The following NRG3 variants were observed in gnomAD, a reference collection of about 807,000 sequenced individuals.
The protein encoded by NRG3 is neuregulin 3, also known as pro-neuregulin-3, membrane-bound isoform.
In NRG3, 31 loss-of-function variants were observed where a neutral mutation model predicts 66.9. The observed-to-expected ratio is 0.46, with a 90% CI of 0.35 to 0.63. The LOEUF (loss-of-function observed/expected upper bound fraction) is 0.63. Among genes scored for constraint, NRG3 ranks in the 20% least tolerant of loss-of-function variants. The pLI is 0.00. For missense variants in NRG3, 910 were observed against 878.9 expected (o/e 1.04, Z -0.45); for synonymous variants, 393 against 359.4 (o/e 1.09, Z -1.06).
chr10:82,909,380 A>G (rs1845095811), intron 4 of NRG3, among the ~76,000 whole-genome samples: 1 of 152,212 alleles, frequency 6.6e-6, no homozygotes, highest in African/African-American at 2.4e-5. Flanking sequence ...AAAATGCTCC[A>G]AAATCTAAGA....
chr10:82,973,102 T>C (rs956030329), intron 6 of NRG3, among the ~76,000 whole-genome samples: 2 of 152,222 alleles, frequency 1.3e-5, no homozygotes, highest in East Asian at 1.9e-4. Flanking sequence ...AGTGTTAAAG[T>C]TGACAACTTA....
chr10:82,138,783 G>C (rs1306512413), intron 1 of NRG3, among the ~76,000 whole-genome samples: 1 of 152,116 alleles, frequency 6.6e-6, no homozygotes, highest in Non-Finnish European at 1.5e-5. Context: ...GAAGGACTTG[G>C]AGTCTAATGT....
intron 1 of NRG3, among the ~76,000 whole-genome samples, chr10:82,332,923 G>A (rs1213230845): frequency 6.6e-6 from 1 of 152,052 alleles, no homozygotes; most frequent in Non-Finnish European, 1.5e-5. Context: ...ATTTATATTT[G>A]GTGCAATATC....
intron 2 of NRG3, among the ~76,000 whole-genome samples, chr10:82,697,818 G>A (rs1404182071): frequency 1.3e-5 from 2 of 152,092 alleles, no homozygotes; most frequent in African/African-American, 4.8e-5. Flanking sequence ...ATTTCAGAAA[G>A]TCATTAGGAA....
intron 3 of NRG3, among the ~76,000 whole-genome samples, chr10:82,809,685 G>C (rs1348714186): frequency 6.6e-6 from 1 of 152,150 alleles, no homozygotes; most frequent in African/African-American, 2.4e-5. Flanking sequence ...GTTCATTTGT[G>C]TTTCAACCTC....
intron 1 of NRG3, among the ~76,000 whole-genome samples, chr10:82,343,130 A>T (rs903647897): frequency 6.6e-6 from 1 of 152,098 alleles, no homozygotes; most frequent in Admixed American, 6.6e-5. Context: ...TAACCAAAAC[A>T]GTATGGTACT....
At chr10:82,290,124 C>T (rs2079641940) in intron 1 of NRG3, among the ~76,000 whole-genome samples, 1 of 152,166 alleles carries the variant, frequency 6.6e-6, no homozygotes, top group African/African-American at 2.4e-5. Context: ...TCCTGCTGCA[C>T]CGTCATCCTT....
chr10:82,462,172 T>C (rs920854384), intron 2 of NRG3, among the ~76,000 whole-genome samples: 3 of 151,976 alleles, frequency 2.0e-5, no homozygotes, highest in Non-Finnish European at 4.4e-5. Context: ...TATCTATCTA[T>C]CTTCATATTA....
intron 1 of NRG3, among the ~76,000 whole-genome samples, chr10:82,035,736 G>C (rs2062765830): frequency 1.3e-5 from 2 of 152,026 alleles, no homozygotes; most frequent in Admixed American, 6.6e-5. Context: ...GAAAGTGTTA[G>C]GTGCAATTAT....
At chr10:82,442,110 G>A (rs1197935641) in intron 2 of NRG3, among the ~76,000 whole-genome samples, 15 of 152,222 alleles carry the variant, frequency 9.9e-5, no homozygotes, top group South Asian at 2.1e-4. Flanking sequence ...CACTGACCTG[G>A]TCCCTTGCCT....
At chr10:81,922,380 T>G (rs1846336890) in intron 1 of NRG3, among the ~76,000 whole-genome samples, 1 of 152,204 alleles carries the variant, frequency 6.6e-6, no homozygotes, top group East Asian at 1.9e-4. Context: ...TTGTACCACT[T>G]AAGTAATTTC....
intron 1 of NRG3, among the ~76,000 whole-genome samples, chr10:82,207,548 T>C (rs961131207): frequency 6.6e-6 from 1 of 152,194 alleles, no homozygotes. Context: ...TGCTGTTACA[T>C]TTTGTAAAAA....
At chr10:81,916,513 A>T (rs1024277943) in intron 1 of NRG3, among the ~76,000 whole-genome samples, 8 of 152,188 alleles carry the variant, frequency 5.3e-5, no homozygotes, top group African/African-American at 2.4e-5. Context: ...GACATAAAAG[A>T]CATTGGCATT....
chr10:82,746,276 G>A (rs1376919060), intron 3 of NRG3, among the ~76,000 whole-genome samples: 1 of 152,154 alleles, frequency 6.6e-6, no homozygotes, highest in Non-Finnish European at 1.5e-5. Context: ...CTCAGCTAGA[G>A]TGTTTGGGTC....
intron 1 of NRG3, among the ~76,000 whole-genome samples, chr10:82,052,773 T>G (rs139177099): frequency 1.7e-3 from 257 of 152,288 alleles, no homozygotes; most frequent in African/African-American, 5.8e-3. Context: ...CATTGTTTAG[T>G]ATTATTCAAT....
chr10:82,820,446 T>C (rs1464952367), intron 3 of NRG3, among the ~76,000 whole-genome samples: 1 of 152,208 alleles, frequency 6.6e-6, no homozygotes, highest in East Asian at 1.9e-4. Context: ...TTTTCTCTTA[T>C]CACATTTTAT....
chr10:81,933,344 T>C (rs1847570100), intron 1 of NRG3, among the ~76,000 whole-genome samples: 1 of 152,098 alleles, frequency 6.6e-6, no homozygotes, highest in Non-Finnish European at 1.5e-5. Context: ...TATGTCCCAA[T>C]TTTGTAGATC....
At chr10:82,644,947 T>G (rs574463664) in intron 2 of NRG3, among the ~76,000 whole-genome samples, 38 of 152,270 alleles carry the variant, frequency 2.5e-4, no homozygotes, top group African/African-American at 9.1e-4. Flanking sequence ...TTCTTTTTTC[T>G]TAGGTGAACT....
chr10:82,202,620 A>G (rs1452829506), intron 1 of NRG3, among the ~76,000 whole-genome samples: 1 of 152,172 alleles, frequency 6.6e-6, no homozygotes, highest in Admixed American at 6.5e-5. Context: ...ACACAGATCA[A>G]AGCTTTTCCT....
Sources: allele counts gnomAD v4.1 joint callset (sites outside exome capture counted in the v4.1 genomes callset), GRCh38; gene constraint gnomAD v4.1.1; transcripts MANE v1.5; gene names NCBI Gene and HGNC (gene_info 2026-07-23, HGNC 2026-07-21).